The following ADAM22 variants were observed in gnomAD, a reference collection of about 807,000 sequenced individuals.
ADAM22 encodes disintegrin and metalloproteinase domain-containing protein 22.
A neutral mutation model predicts 144.6 loss-of-function variants in ADAM22; 65 were observed. The ratio of observed to expected loss-of-function variants is 0.45; its 90% confidence interval spans 0.37 to 0.55. ADAM22 has a LOEUF of 0.55. Among genes scored for constraint, ADAM22 ranks in the 20% least tolerant of loss-of-function variants. The pLI, the probability that ADAM22 is intolerant of heterozygous loss-of-function variation, is 0.00. For synonymous variants in ADAM22, 391 were observed against 412.6 expected, an observed-to-expected ratio of 0.95 and a Z score of 0.63; for missense variants, 974 against 1,184.9, an observed-to-expected ratio of 0.82 and a Z score of 2.61.
intron 3 of ADAM22, among the ~76,000 whole-genome samples, chr7:88,038,978 A>G (rs1277820516): frequency 6.6e-6 from 1 of 151,354 alleles, no homozygotes; most frequent in Non-Finnish European, 1.5e-5. Flanking sequence ...GTTGGTTTTC[A>G]CTATGTTGCC....
chr7:88,080,562 G>T (rs569817280), intron 4 of ADAM22, among the ~76,000 whole-genome samples: 18 of 152,018 alleles, frequency 1.2e-4, no homozygotes, highest in Admixed American at 9.8e-4. Context: ...CCAGGAGCTG[G>T]TTTTTTTTAA....
At chr7:88,032,179 T>G (rs974367835) in intron 3 of ADAM22, among the ~76,000 whole-genome samples, 1 of 152,170 alleles carries the variant, frequency 6.6e-6, no homozygotes, top group African/African-American at 2.4e-5. Context: ...ATAGATCCAC[T>G]GACAACTTGC....
intron 2 of ADAM22, among the ~76,000 whole-genome samples, chr7:87,967,031 G>GT (rs1849297999): frequency 6.6e-6 from 1 of 151,936 alleles, no homozygotes; most frequent in Non-Finnish European, 1.5e-5. Context: ...AGATCTGATG[G>GT]TTTTATAAGG....
intron 2 of ADAM22, among the ~76,000 whole-genome samples, chr7:87,968,997 G>T (rs1239238145): frequency 6.6e-6 from 1 of 152,126 alleles, no homozygotes; most frequent in Admixed American, 6.5e-5. Flanking sequence ...GAGCTCCTGA[G>T]AACTCACTCA....
intron 3 of ADAM22, 100 bp downstream of exon 3, chr7:87,978,512 T>C (rs1852452733): frequency 1.1e-6 from 1 of 927,334 alleles, no homozygotes; most frequent in South Asian, 1.6e-5. Context: ...TTTGTCTTCC[T>C]ATACCGGTTA....
intron 3 of ADAM22, among the ~76,000 whole-genome samples, chr7:88,045,395 G>A (rs1308591778): frequency 6.7e-6 from 1 of 149,836 alleles, no homozygotes; most frequent in East Asian, 2.0e-4. Context: ...TTTTTTTCTT[G>A]TTGCTTTCCC....
intron 22 of ADAM22, among the ~76,000 whole-genome samples, chr7:88,162,097 TACACACACACACACAC>T (rs61053925): frequency 7.3e-6 from 1 of 136,744 alleles, no homozygotes; most frequent in Admixed American, 7.4e-5. Flanking sequence ...AAATGTGTAA[TACACACACACACACAC>T]ACACACACAC....
intron 3 of ADAM22, among the ~76,000 whole-genome samples, chr7:88,043,714 A>G (rs1201760358): frequency 6.6e-6 from 1 of 152,158 alleles, no homozygotes; most frequent in Non-Finnish European, 1.5e-5. Flanking sequence ...TCTTAAAAAA[A>G]AAGAGAAGAA....
intron 7 of ADAM22, among the ~76,000 whole-genome samples, 173 bp from the exon 8 acceptor site, chr7:88,125,416 T>G (rs1449431581): frequency 6.6e-6 from 1 of 152,012 alleles, no homozygotes; most frequent in Non-Finnish European, 1.5e-5. Context: ...TATTCATCCT[T>G]TATATGTTTA....
intron 18 of ADAM22, 28 bp downstream of exon 18, chr7:88,149,085 C>A (rs578138409): frequency 1.3e-5 from 21 of 1,573,280 alleles, no homozygotes; most frequent in Non-Finnish European, 1.7e-5. Flanking sequence ...TGCTCTAAAA[C>A]TTATGGGAAA....
chr7:87,960,776 G>T (rs569418503), intron 2 of ADAM22, among the ~76,000 whole-genome samples: 26 of 152,074 alleles, frequency 1.7e-4, no homozygotes, highest in Non-Finnish European at 3.4e-4. Flanking sequence ...TCAGGTTAAG[G>T]CTCAGTAGCT....
At chr7:88,009,235 C>G (rs2108087) in intron 3 of ADAM22, among the ~76,000 whole-genome samples, 72,701 of 151,894 alleles carry the variant, frequency 0.48, 17,676 homozygotes, top group East Asian at 0.63. Flanking sequence ...AGGATACCAA[C>G]AGTTTTGCAT....
chr7:88,022,377 G>GT (rs1405417566), intron 3 of ADAM22, among the ~76,000 whole-genome samples: 3 of 152,118 alleles, frequency 2.0e-5, no homozygotes, highest in African/African-American at 7.2e-5. Context: ...CAATGTTTTG[G>GT]TGGACTAATA....
rs1040576199 is a variant in ADAM22 at position 87,972,714 on chromosome 7, A to G, written c.247-5622A>G. ...ACAAAGCTACAGTAACCAAAACAGC[A>G]TGGTACTGGTACCAAAACAGAGGTA... On this transcript the variant is annotated intron_variant, in intron 2 of 31. Coordinates refer to ENST00000413139, the MANE Select transcript of ADAM22 (RefSeq NM_001324418.2). 2.6e-5 allele frequency among the ~76,000 whole-genome samples: 4 copies of G among 152,238 alleles called. No individual in the cohort carries two copies. The East Asian group carries it at 7.7e-4, about 29-fold the overall frequency.
chr7:88,183,280 G>T (rs1225652938), intron 29 of ADAM22, among the ~76,000 whole-genome samples: 1 of 152,070 alleles, frequency 6.6e-6, no homozygotes, highest in Non-Finnish European at 1.5e-5. Flanking sequence ...GGTTTGTTTT[G>T]CATGAGGTCA....
intron 23 of ADAM22, 112 bp from the exon 24 acceptor site, chr7:88,165,720 A>AT (rs1461298009): frequency 3.3e-6 from 2 of 608,242 alleles, no homozygotes. Context: ...CATACTAATA[A>AT]TTTTTTGGAA....
chr7:88,086,916 CTATT>C (rs369772848), intron 4 of ADAM22, among the ~76,000 whole-genome samples: 121 of 152,236 alleles, frequency 7.9e-4, no homozygotes, highest in African/African-American at 2.7e-3. Flanking sequence ...ACAGTAATAA[CTATT>C]TATTACAGTA....
intron 2 of ADAM22, among the ~76,000 whole-genome samples, chr7:87,947,996 C>T (rs1844125306): frequency 6.6e-6 from 1 of 152,048 alleles, no homozygotes; most frequent in Admixed American, 6.6e-5. Context: ...GCTCCCATAC[C>T]CCCAACATTA....
intron 5 of ADAM22, among the ~76,000 whole-genome samples, chr7:88,113,703 A>AATAAATAAATAAATAAATATAT (rs1554478726): frequency 2.1e-5 from 1 of 48,108 alleles, no homozygotes; most frequent in East Asian, 1.4e-3. Flanking sequence ...TAAATAAATA[A>AATAAATAAATAAATAAATATAT]ATATATATAT....
Sources: allele counts gnomAD v4.1 joint callset (sites outside exome capture counted in the v4.1 genomes callset), GRCh38; gene constraint gnomAD v4.1.1; transcripts MANE v1.5; gene names NCBI Gene and HGNC (gene_info 2026-07-23, HGNC 2026-07-21).